Variants in WWOX observed in about 807,000 individuals in gnomAD.
WWOX encodes WW domain containing oxidoreductase, also known as WW domain-containing oxidoreductase.
In WWOX, 69 loss-of-function variants were observed where a neutral mutation model predicts 46.2. The ratio of observed to expected loss-of-function variants is 1.49; its 90% CI spans 1.23 to 1.82. The LOEUF is 1.82. WWOX is among the 40% of genes most tolerant of loss of function. WWOX has a pLI of 0.00. For missense variants in WWOX, 919 were observed against 542.6 expected (o/e 1.69, Z -6.89); for synonymous variants, 359 against 202.6 (o/e 1.77, Z -6.56).
chr16:78,388,475 A>G (rs897964791), intron 6 of WWOX, among the ~76,000 whole-genome samples: 32 of 151,696 alleles, frequency 2.1e-4, no homozygotes, highest in African/African-American at 7.8e-4. Flanking sequence ...GTGAAACCCC[A>G]TCTCTACTAA....
chr16:78,409,775 G>T (rs566695644), intron 6 of WWOX, among the ~76,000 whole-genome samples: 36 of 152,180 alleles, frequency 2.4e-4, no homozygotes, highest in African/African-American at 8.7e-4. Flanking sequence ...GCCTTTTCCA[G>T]CTTCTAAAGG....
intron 8 of WWOX, among the ~76,000 whole-genome samples, chr16:78,491,043 C>T (rs1383124926): frequency 6.6e-6 from 1 of 152,204 alleles, no homozygotes; most frequent in African/African-American, 2.4e-5. Context: ...CATGCTTCAG[C>T]CAAAGTGAAC....
intron 8 of WWOX, among the ~76,000 whole-genome samples, chr16:78,442,500 G>A (rs1195666679): frequency 3.3e-5 from 5 of 151,908 alleles, no homozygotes; most frequent in African/African-American, 1.2e-4. Context: ...CTCTGCTTCT[G>A]TGAGTTTGAC....
intron 8 of WWOX, among the ~76,000 whole-genome samples, chr16:78,952,413 C>T (rs1192740006): frequency 1.2e-4 from 18 of 146,222 alleles, no homozygotes; most frequent in African/African-American, 2.8e-4. Context: ...ACAAAAGTCT[C>T]GCTCTGTCCC....
At chr16:78,563,393 A>G (rs527920609) in intron 8 of WWOX, among the ~76,000 whole-genome samples, 14 of 152,144 alleles carry the variant, frequency 9.2e-5, no homozygotes, top group African/African-American at 3.1e-4. Context: ...TCAGGAACAG[A>G]ACTGACAGGT....
chr16:78,723,625 T>C (rs1380120756), intron 8 of WWOX, among the ~76,000 whole-genome samples: 21 of 107,826 alleles, frequency 1.9e-4, no homozygotes, highest in African/African-American at 5.9e-4. Flanking sequence ...TTCTTTTCTT[T>C]TCTTTTTTCT....
At chr16:79,157,227 C>T (rs1261299864) in intron 8 of WWOX, among the ~76,000 whole-genome samples, 1 of 152,104 alleles carries the variant, frequency 6.6e-6, no homozygotes, top group Non-Finnish European at 1.5e-5. Context: ...AAAGACAAAA[C>T]AAGAGCATTC....
chr16:78,541,441 T>C (rs1271384063), intron 8 of WWOX, among the ~76,000 whole-genome samples: 1 of 112,912 alleles, frequency 8.9e-6, no homozygotes, highest in Non-Finnish European at 1.6e-5. Context: ...GCCACTGCAC[T>C]CCAGCCTGGG....
intron 8 of WWOX, among the ~76,000 whole-genome samples, chr16:79,189,768 G>A (rs1212980447): frequency 6.6e-6 from 1 of 151,808 alleles, no homozygotes; most frequent in Non-Finnish European, 1.5e-5. Context: ...CTGAAATTGC[G>A]AATACACAGT....
chr16:78,927,020 T>C (rs2045513963), intron 8 of WWOX, among the ~76,000 whole-genome samples: 1 of 152,188 alleles, frequency 6.6e-6, no homozygotes, highest in African/African-American at 2.4e-5. Context: ...GGTTTTAAAC[T>C]CTTGAGCTCA....
chr16:78,214,913 A>G (rs1200644478), intron 5 of WWOX, among the ~76,000 whole-genome samples: 1 of 152,132 alleles, frequency 6.6e-6, no homozygotes, highest in African/African-American at 2.4e-5. Flanking sequence ...TTTTAGTTCT[A>G]CTGATATGAC....
At position 78,701,847 on chromosome 16, in the gene WWOX, G is replaced by A. The variant is rs578163385; in HGVS notation, c.1056+269095G>A. On this transcript the variant is annotated intron_variant, in intron 8 of 8. Coordinates refer to ENST00000566780, the MANE Select transcript of WWOX (RefSeq NM_016373.4). The stretch of plus-strand genomic sequence containing the variant: ...TCTCCATGATGGCGCAGCTCTCAGC[G>A]TAAAGCAGTCTATGGAGTGAGAAGG... Among the ~76,000 whole-genome samples the A allele has an allele frequency of 4.6e-5, 7 of 151,416 alleles. No individual in the cohort carries two copies. The East Asian group carries it at 5.9e-4, about 13-fold the overall frequency.
chr16:78,718,092 G>GTTTTTTTTTTTTATTTTTTTTTTATTTTT, intron 8 of WWOX, among the ~76,000 whole-genome samples: 1 of 139,616 alleles, frequency 7.2e-6, no homozygotes, highest in African/African-American at 2.9e-5. Context: ...GGTTCTGGTG[G>GTTTTTTTTTTTTATTTTTTTTTTATTTTT]TTGTATTTTT....
At chr16:79,047,768 C>G (rs538881505) in intron 8 of WWOX, among the ~76,000 whole-genome samples, 2 of 136,572 alleles carry the variant, frequency 1.5e-5, no homozygotes, top group South Asian at 2.5e-4. Context: ...ATTCCAGGTA[C>G]TTGGTGACTC....
intron 8 of WWOX, among the ~76,000 whole-genome samples, chr16:78,608,454 C>T (rs151134910): frequency 1.3e-5 from 2 of 152,198 alleles, no homozygotes; most frequent in African/African-American, 4.8e-5. Flanking sequence ...GTGGAAGTTG[C>T]CTTATAAAGC....
intron 8 of WWOX, among the ~76,000 whole-genome samples, chr16:78,746,694 C>T (rs2049355462): frequency 6.6e-6 from 1 of 151,880 alleles, no homozygotes. Flanking sequence ...TTTCCCATAG[C>T]CAATGCCTTT....
rs1393953147 is a variant in WWOX at position 78,861,993 on chromosome 16, CTA to C, written c.1057-349611_1057-349610del. ...AGTCTCTGGAGAAATTGAACTAATA[CTA>C]TATGTGTGTGTGTATCTATGTATAG... is the stretch of plus-strand genomic sequence containing the variant. On this transcript the variant is annotated intron_variant, in intron 8 of 8. Transcript: ENST00000566780. Among the ~76,000 whole-genome samples, 3 of 152,208 alleles carry C rather than the reference CTA, an allele frequency of 2.0e-5. No individual in the cohort carries two copies. In the East Asian group the frequency reaches 5.8e-4, roughly 29 times the overall value.
At chr16:79,172,071 G>A (rs2050710096) in intron 8 of WWOX, among the ~76,000 whole-genome samples, 1 of 152,192 alleles carries the variant, frequency 6.6e-6, no homozygotes, top group African/African-American at 2.4e-5. Flanking sequence ...ATCCTCCCCT[G>A]TGTTAGCACG....
At chr16:78,397,614 A>G (rs944632849) in intron 6 of WWOX, among the ~76,000 whole-genome samples, 1 of 152,224 alleles carries the variant, frequency 6.6e-6, no homozygotes, top group African/African-American at 2.4e-5. Context: ...ATACCATGTA[A>G]AAAACATTGT....
Sources: gnomAD v4.1 joint callset for allele counts (sites outside exome capture counted in the v4.1 genomes callset) on GRCh38, gnomAD v4.1.1 for gene constraint, MANE v1.5 for transcripts, NCBI Gene and HGNC (gene_info 2026-07-23, HGNC 2026-07-21) for gene names.